The following KCNQ3 variants were observed in gnomAD, a reference collection of about 807,000 sequenced individuals.
KCNQ3 encodes potassium voltage-gated channel subfamily Q member 3.
Under a neutral mutation model 92.5 loss-of-function variants are expected in KCNQ3, and 30 were observed. The ratio of observed to expected loss-of-function variants is 0.32; its 90% CI spans 0.24 to 0.44. The LOEUF is 0.44. Ranked by LOEUF, KCNQ3 falls within the 20% of genes least tolerant of loss-of-function variation. The pLI is 1.00. For synonymous variants in KCNQ3, 450 were observed against 468.8 expected, an observed-to-expected ratio of 0.96 and a Z score of 0.52; for missense variants, 913 against 1,140.3, an observed-to-expected ratio of 0.80 and a Z score of 2.87.
chr8:132,282,515 C>A (rs1166370215), intron 1 of KCNQ3, among the ~76,000 whole-genome samples: 1 of 152,204 alleles, frequency 6.6e-6, no homozygotes, highest in African/African-American at 2.4e-5. Context: ...TCTCTTCTTT[C>A]TTCCCACAGT....
intron 1 of KCNQ3, among the ~76,000 whole-genome samples, chr8:132,267,489 C>A (rs1256684833): frequency 1.3e-5 from 2 of 152,172 alleles, no homozygotes; most frequent in African/African-American, 4.8e-5. Flanking sequence ...CAAACCAACA[C>A]TTTGAACAAG....
At chr8:132,180,043 T>C in intron 4 of KCNQ3, 114 bp downstream of exon 4, 2 of 1,170,412 alleles carry the variant, frequency 1.7e-6, no homozygotes, top group Non-Finnish European at 2.5e-6. Flanking sequence ...GTCGTTATCA[T>C]CAAGGGTGGC....
At chr8:132,353,330 G>C (rs1818930451) in intron 1 of KCNQ3, among the ~76,000 whole-genome samples, 1 of 152,026 alleles carries the variant, frequency 6.6e-6, no homozygotes, top group African/African-American at 2.4e-5. Flanking sequence ...GGAAGGAAGG[G>C]GAAGGGAGGG....
At chr8:132,386,130 A>G (rs1449753101) in intron 1 of KCNQ3, among the ~76,000 whole-genome samples, 1 of 152,168 alleles carries the variant, frequency 6.6e-6, no homozygotes, top group Non-Finnish European at 1.5e-5. Context: ...CTAAAAAAGC[A>G]TACTCTCCTG....
chr8:132,267,736 T>C (rs1816034504), intron 1 of KCNQ3, among the ~76,000 whole-genome samples: 2 of 152,246 alleles, frequency 1.3e-5, no homozygotes, highest in African/African-American at 4.8e-5. Flanking sequence ...AATGAAAATA[T>C]TTGGTGATAG....
At chr8:132,285,540 T>C (rs1022677656) in intron 1 of KCNQ3, among the ~76,000 whole-genome samples, 1 of 152,186 alleles carries the variant, frequency 6.6e-6, no homozygotes, top group Admixed American at 6.5e-5. Flanking sequence ...TATGGTTACT[T>C]ATAACTGTTT....
chr8:132,459,240 T>C (rs984525770), intron 1 of KCNQ3, among the ~76,000 whole-genome samples: 1 of 152,202 alleles, frequency 6.6e-6, no homozygotes, highest in Admixed American at 6.5e-5. Context: ...TTAATCATGG[T>C]TGATGTTAAC....
intron 1 of KCNQ3, among the ~76,000 whole-genome samples, chr8:132,218,112 T>C (rs576496122): frequency 1.3e-5 from 2 of 152,296 alleles, no homozygotes; most frequent in East Asian, 3.9e-4. Flanking sequence ...TCTATACAAA[T>C]GACCATGGTC....
chr8:132,186,927 T>TGAGAGAGAGA (rs1259312197), intron 1 of KCNQ3, among the ~76,000 whole-genome samples: 10 of 85,164 alleles, frequency 1.2e-4, no homozygotes, highest in South Asian at 3.7e-4. Flanking sequence ...TGTGTGTGTG[T>TGAGAGAGAGA]GTGTGTGAGA....
intron 1 of KCNQ3, among the ~76,000 whole-genome samples, chr8:132,349,574 T>C (rs73710547): frequency 0.026 from 4,023 of 152,312 alleles, 165 homozygotes; most frequent in African/African-American, 0.09. Context: ...AAGAAGGGGC[T>C]TGGGATATGC....
intron 9 of KCNQ3, among the ~76,000 whole-genome samples, chr8:132,147,102 C>G (rs1456463137): frequency 6.6e-6 from 1 of 152,160 alleles, no homozygotes; most frequent in Non-Finnish European, 1.5e-5. Flanking sequence ...CAGAGAGAGA[C>G]TGAAAAGGAA....
intron 11 of KCNQ3, 146 bp from the exon 12 acceptor site, chr8:132,138,162 T>A: frequency 2.3e-6 from 2 of 859,864 alleles, no homozygotes; most frequent in South Asian, 1.5e-5. Context: ...TTGGTTCTGG[T>A]TCTACCCCTT....
intron 1 of KCNQ3, among the ~76,000 whole-genome samples, chr8:132,429,616 G>A (rs376836396): frequency 3.5e-4 from 53 of 152,066 alleles, no homozygotes; most frequent in Non-Finnish European, 5.9e-4. Flanking sequence ...ATCCCAGCAC[G>A]TTGGGAAGCC....
chr8:132,455,197 C>A (rs573919209), intron 1 of KCNQ3, among the ~76,000 whole-genome samples: 1 of 152,118 alleles, frequency 6.6e-6, no homozygotes, highest in Non-Finnish European at 1.5e-5. Flanking sequence ...ACCTCCACCC[C>A]TCGGGTTCAA....
At chr8:132,460,612 T>C (rs1323592442) in intron 1 of KCNQ3, among the ~76,000 whole-genome samples, 1 of 152,246 alleles carries the variant, frequency 6.6e-6, no homozygotes, top group Non-Finnish European at 1.5e-5. Context: ...ATTGCCAAAG[T>C]TGCTTAGGTC....
chr8:132,462,371 G>A (rs912829656), intron 1 of KCNQ3, among the ~76,000 whole-genome samples: 1 of 152,024 alleles, frequency 6.6e-6, no homozygotes, highest in African/African-American at 2.4e-5. Flanking sequence ...TGTATTTTCA[G>A]TAGAGAAGGT....
intron 1 of KCNQ3, among the ~76,000 whole-genome samples, chr8:132,224,429 A>G (rs1306305278): frequency 2.6e-5 from 4 of 152,178 alleles, no homozygotes; most frequent in African/African-American, 9.6e-5. Context: ...CTGAGTGTCT[A>G]TATGTACTTG....
At chr8:132,414,934 G>C (rs189289021) in intron 1 of KCNQ3, among the ~76,000 whole-genome samples, 7 of 152,352 alleles carry the variant, frequency 4.6e-5, no homozygotes, top group South Asian at 2.1e-4. Flanking sequence ...TGGAAAGTGG[G>C]CTGAGTTAGG....
chr8:132,382,987 T>G (rs530336318), intron 1 of KCNQ3, among the ~76,000 whole-genome samples: 132 of 152,312 alleles, frequency 8.7e-4, no homozygotes, highest in African/African-American at 3.0e-3. Flanking sequence ...AGTCTCTACA[T>G]TGTCAGACCT....
Sources: allele counts gnomAD v4.1 joint callset (sites outside exome capture counted in the v4.1 genomes callset), GRCh38; gene constraint gnomAD v4.1.1; transcripts MANE v1.5; gene names NCBI Gene and HGNC (gene_info 2026-07-23, HGNC 2026-07-21).